UHRF1: variants seen among roughly 807,000 people sequenced by gnomAD.
UHRF1 encodes the protein E3 ubiquitin-protein ligase UHRF1.
A neutral mutation model predicts 96.5 loss-of-function variants in UHRF1; 9 were observed. The observed-to-expected ratio is 0.09, with a 90% CI of 0.06 to 0.16. The LOEUF is 0.16. UHRF1 is among the 10% of genes least tolerant of loss of function. The pLI, the probability that UHRF1 is intolerant of heterozygous loss-of-function variation, is 1.00. For synonymous variants in UHRF1, 455 were observed against 469.9 expected, an observed-to-expected ratio of 0.97 and a Z score of 0.41; for missense variants, 626 against 1,131.1, an observed-to-expected ratio of 0.55 and a Z score of 6.40.
At chr19:4,941,409 T>TA in intron 5 of UHRF1, 119 bp from the exon 6 acceptor site, 1 of 716,988 alleles carries the variant, frequency 1.4e-6, no homozygotes, top group Non-Finnish European at 2.4e-6. Flanking sequence ...CTTTGATTGC[T>TA]AGGGGGCGTA....
intron 2 of UHRF1, among the ~76,000 whole-genome samples, chr19:4,926,615 A>T (rs1473368400): frequency 6.6e-6 from 1 of 152,130 alleles, no homozygotes; most frequent in African/African-American, 2.4e-5. Context: ...TCTAAAAAAA[A>T]TTAGCTGGGC....
chr19:4,952,691 T>A (rs2033750996), intron 13 of UHRF1, among the ~76,000 whole-genome samples: 1 of 152,066 alleles, frequency 6.6e-6, no homozygotes, highest in East Asian at 1.9e-4. Context: ...CAGGATTTTT[T>A]TTTTTTTTAT....
At chr19:4,911,189 C>G (rs866487457) in intron 2 of UHRF1, among the ~76,000 whole-genome samples, 151 bp downstream of exon 2, 1 of 149,732 alleles carries the variant, frequency 6.7e-6, no homozygotes, top group Non-Finnish European at 1.5e-5. Flanking sequence ...TCCACAGAAA[C>G]CTCAAATGCC....
In UHRF1 at chr19:4,930,665, G is replaced by A. The variant is rs1599263225; in HGVS notation, c.409-51G>A. On this transcript the variant is annotated intron_variant, in intron 3 of 16. Coordinates refer to ENST00000650932, the MANE Select transcript of UHRF1 (RefSeq NM_001048201.3). The surrounding 1 kb of genome is among the most constrained non-coding windows in gnomAD (Gnocchi z 4.4). ...TGTCCGAGAACCAAGGTGGTCTCCC[G>A]TCAGTTTTCCTCACCCCGTTGGGAT... 7 of 1,587,720 alleles carry A rather than the reference G, an allele frequency of 4.4e-6. No individual in the cohort carries two copies. Among genetic ancestry groups the A allele is most frequent in the Non-Finnish European group, 4.3e-6 (5 of 1,164,426 alleles).
intron 10 of UHRF1, 55 bp from the exon 11 acceptor site, chr19:4,947,050 C>CTTTTT: frequency 8.7e-7 from 1 of 1,153,990 alleles, no homozygotes; most frequent in Non-Finnish European, 1.2e-6. Context: ...AATGCAGTCT[C>CTTTTT]TTTTTTTTTT....
upstream of UHRF1, among the ~76,000 whole-genome samples, chr19:4,906,999 G>A (rs1568402042): frequency 6.6e-6 from 1 of 152,192 alleles, no homozygotes; most frequent in Admixed American, 6.6e-5. Flanking sequence ...AGCGTTGATC[G>A]TGTACTGAGG....
At chr19:4,916,316 A>C (rs1031425450) in intron 2 of UHRF1, among the ~76,000 whole-genome samples, 3 of 151,972 alleles carry the variant, frequency 2.0e-5, no homozygotes, top group Non-Finnish European at 2.9e-5. Context: ...AAAAAAAAAA[A>C]AAACCAAATA....
At chr19:4,939,949 G>A (rs1271918415) in intron 5 of UHRF1, among the ~76,000 whole-genome samples, 3 of 151,626 alleles carry the variant, frequency 2.0e-5, no homozygotes, top group Non-Finnish European at 4.4e-5. Context: ...GCGTGAACCC[G>A]GGAGGTGGAG....
chr19:4,931,993 G>A (rs1030617117), intron 4 of UHRF1, among the ~76,000 whole-genome samples: 11 of 152,130 alleles, frequency 7.2e-5, no homozygotes, highest in East Asian at 1.9e-4. Context: ...CGTCAATGGC[G>A]CGATCTCGGC....
intron 5 of UHRF1, among the ~76,000 whole-genome samples, chr19:4,937,092 T>G (rs902979800): frequency 2.0e-5 from 3 of 152,064 alleles, no homozygotes; most frequent in Non-Finnish European, 4.4e-5. Flanking sequence ...ATTCATACAA[T>G]TTTGTAATTT....
chr19:4,957,366 T>A (rs1284247261), intron 16 of UHRF1, among the ~76,000 whole-genome samples: 2 of 130,274 alleles, frequency 1.5e-5, no homozygotes, highest in Admixed American at 1.8e-4. Context: ...TGGAGTGCAG[T>A]GGCGCAGTCT....
intron 4 of UHRF1, 27 bp from the exon 5 acceptor site, chr19:4,932,714 G>A: frequency 6.2e-7 from 1 of 1,611,062 alleles, no homozygotes; most frequent in African/African-American, 1.3e-5. Flanking sequence ...CTTAGCACGG[G>A]GTCTAAGGCC....
chr19:4,931,900 A>G (rs1038937903), intron 4 of UHRF1, among the ~76,000 whole-genome samples: 1 of 152,174 alleles, frequency 6.6e-6, no homozygotes, highest in African/African-American at 2.4e-5. Context: ...GGCTGGGACT[A>G]CAGGCGTGCA....
At chr19:4,955,278 G>A (rs530908190) in intron 15 of UHRF1, among the ~76,000 whole-genome samples, 1 of 152,304 alleles carries the variant, frequency 6.6e-6, no homozygotes, top group South Asian at 2.1e-4. Flanking sequence ...CCTCCTGGGG[G>A]CTCCAGGGGA....
At chr19:4,955,007 C>G (rs1599301839) in intron 15 of UHRF1, among the ~76,000 whole-genome samples, 185 bp downstream of exon 15, 2 of 152,124 alleles carry the variant, frequency 1.3e-5, no homozygotes, top group Non-Finnish European at 2.9e-5. Context: ...AGACTGAAAC[C>G]CTGGCCCTGA....
At chr19:4,918,715 GTTTTTTT>G (rs536401524) in intron 2 of UHRF1, among the ~76,000 whole-genome samples, 1 of 115,316 alleles carries the variant, frequency 8.7e-6, no homozygotes, top group African/African-American at 3.6e-5. Context: ...TGCCCAGCTG[GTTTTTTT>G]TTTTTTTTTT....
intron 2 of UHRF1, among the ~76,000 whole-genome samples, chr19:4,915,315 C>T (rs984246458): frequency 1.3e-5 from 2 of 152,214 alleles, no homozygotes; most frequent in South Asian, 4.1e-4. Flanking sequence ...GTAGAGGGCG[C>T]GGCCTCTGTT....
intron 11 of UHRF1, among the ~76,000 whole-genome samples, chr19:4,947,490 CTT>C (rs985069179): frequency 0.047 from 2,669 of 57,326 alleles, 10 homozygotes; most frequent in East Asian, 0.11. Context: ...TAATAGATAT[CTT>C]TTTTTTTTTT....
At chr19:4,939,280 G>A (rs935805168) in intron 5 of UHRF1, among the ~76,000 whole-genome samples, 3 of 144,392 alleles carry the variant, frequency 2.1e-5, no homozygotes, top group Admixed American at 1.4e-4. Flanking sequence ...GATTGGTCTC[G>A]AACTTTTGAG....
Sources: gnomAD v4.1 joint callset for allele counts (sites outside exome capture counted in the v4.1 genomes callset) on GRCh38, gnomAD v4.1.1 for gene constraint, Gnocchi (gnomAD v3.1) non-coding constraint, MANE v1.5 for transcripts, NCBI Gene and HGNC (gene_info 2026-07-23, HGNC 2026-07-21) for gene names.